Variants in TMEM52 observed in about 807,000 individuals in gnomAD.
The protein encoded by TMEM52 is transmembrane protein 52.
TMEM52 carries 14 observed loss-of-function variants against 16.2 expected under a neutral mutation model. The ratio of observed to expected loss-of-function variants is 0.87; its 90% CI spans 0.57 to 1.35. TMEM52 has a LOEUF of 1.35. TMEM52 is among the 40% of genes most tolerant of loss of function. The pLI, the probability that TMEM52 is intolerant of heterozygous loss-of-function variation, is 0.00. For synonymous variants in TMEM52, 136 were observed against 124.7 expected, an observed-to-expected ratio of 1.09 and a Z score of -0.60; for missense variants, 309 against 278.6, an observed-to-expected ratio of 1.11 and a Z score of -0.78.
chr1:1,919,234 A>G lies in TMEM52; in HGVS notation c.32T>C (p.Leu11Pro). 1.5e-6 allele frequency: 2 copies of G among 1,366,472 alleles called. No homozygotes were observed. Among genetic ancestry groups the G allele is most frequent in the East Asian group, 3.1e-5 (1 of 32,422 alleles). The allele number at this position is 1,366,472 out of a possible 1,614,324, so 84.6% of individuals were successfully genotyped here. Residue 11 changes from leucine to proline, a missense_variant, in exon 1 of 5, where the codon CTG becomes CCG. Physicochemically the swap from Leu to Pro is moderately conservative, Grantham distance 98. Coordinates refer to ENST00000310991, the MANE Select transcript of TMEM52 (RefSeq NM_178545.4). The part of the protein sequence containing the change: MARGPLAARG[L>P]RLLLPLLPLL... ...CGGCAGGAGCGGCAGCAGCAGCCGC[A>G]GTCCGCGGGCGGCCAGCGGCCCCCG...
Position 1,919,029 on chromosome 1 carries a change from C to T in TMEM52, c.128+16G>A. On this transcript the variant is annotated intron_variant, in intron 2 of 4. Transcript: ENST00000310991. ...TAGGGCGGGGCCAGGCCCCGGCTCCCTCCCCCCCGACTTACTGGTCCGAGG... is the reference window on the plus strand; with the variant it reads ...TAGGGCGGGGCCAGGCCCCGGCTCCTTCCCCCCCGACTTACTGGTCCGAGG... 7.5e-7 allele frequency: 1 copy of T among 1,337,690 alleles called. No individual in the cohort carries two copies. 82.9% of individuals were successfully genotyped at this position (1,337,690 alleles called of 1,614,324 possible).
At chr1:1,918,743 G>C in intron 3 of TMEM52, 150 bp downstream of exon 3, 1 of 919,114 alleles carries the variant, frequency 1.1e-6, no homozygotes, top group Non-Finnish European at 1.6e-6. Context: ...GGGAGGGAAG[G>C]TCCTGCTTGC....
Position 1,918,049 on chromosome 1 carries a change from G to T in TMEM52, c.463C>A (p.Pro155Thr), listed in dbSNP as rs748852806. 1.2e-6 allele frequency: 2 copies of T among 1,613,896 alleles called. No homozygotes were observed. Among genetic ancestry groups the T allele is most frequent in the South Asian group, 2.2e-5 (2 of 91,084 alleles). The change falls in exon 5 of 5, where the codon CCC (proline) becomes ACC (threonine). Residue 155 changes from proline (P) to threonine (T), a missense_variant. By Grantham distance (38) the Pro-to-Thr change is conservative. Transcript: ENST00000310991. ...ATCTTGACAGCTTCATCGTAGGAGG[G>T]TGGAGGCTCCGGGGTGTACAGGCTG... ...AYSLYTPEPP[P>T]SYDEAVKMAK...
At position 1,918,248 on chromosome 1, in the gene TMEM52, C is replaced by T; in HGVS notation, c.349+5G>A. ...CCCTCAACTGGCGGGCCCCTAGGCA[C>T]TCACAGGTCACAGTGCTGTGTACAG... On this transcript the variant is annotated splice_donor_5th_base_variant and intron_variant, in intron 4 of 4. Coordinates refer to ENST00000310991, the MANE Select transcript of TMEM52 (RefSeq NM_178545.4). 2 of 1,608,970 alleles carry T rather than the reference C, an allele frequency of 1.2e-6. No individual in the cohort carries two copies. Among genetic ancestry groups the T allele is most frequent in the Non-Finnish European group, 1.7e-6 (2 of 1,176,840 alleles).
rs755954078 is a variant in TMEM52 at position 1,917,712 on chromosome 1, G to A, written c.*170C>T. 3 of 786,306 alleles carry A rather than the reference G, an allele frequency of 3.8e-6. No homozygotes were observed. Among genetic ancestry groups the A allele is most frequent in the Non-Finnish European group, 4.0e-6 (2 of 494,440 alleles). The allele number at this position is 786,306 out of a possible 1,614,324, so 48.7% of individuals were successfully genotyped here. A position where few individuals can be genotyped will look rare whatever the true frequency, so the allele number is the denominator to read the frequency against. ...CCAGGCTGAGGGCCTGCTGGGGCTGGGCCAGGGGCTGAGGCTGAAAGCAGC... is the reference window on the plus strand; with the variant it reads ...CCAGGCTGAGGGCCTGCTGGGGCTGAGCCAGGGGCTGAGGCTGAAAGCAGC... On this transcript the variant is annotated 3_prime_UTR_variant, in exon 5 of 5. Coordinates refer to ENST00000310991, the MANE Select transcript of TMEM52 (RefSeq NM_178545.4).
intron 3 of TMEM52, 61 bp downstream of exon 3, chr1:1,918,832 G>A: frequency 1.3e-6 from 2 of 1,483,912 alleles, no homozygotes; most frequent in Non-Finnish European, 8.9e-7. Flanking sequence ...GGCGGGCCTG[G>A]CCCCGGTGAC....
At position 1,918,047 on chromosome 1, in the gene TMEM52, G is replaced by C; in HGVS notation, c.465C>G (p.Pro155=). The change falls in exon 5 of 5, where the codon CCC becomes CCG. Residue 155 remains proline (P), a synonymous_variant. Coordinates refer to ENST00000310991, the MANE Select transcript of TMEM52 (RefSeq NM_178545.4). Reference sequence around the variant, plus strand: ...CCATCTTGACAGCTTCATCGTAGGAGGGTGGAGGCTCCGGGGTGTACAGGC... The same window carrying C: ...CCATCTTGACAGCTTCATCGTAGGACGGTGGAGGCTCCGGGGTGTACAGGC... ...AYSLYTPEPP[P]SYDEAVKMAK... 6.2e-7 allele frequency: 1 copy of C among 1,613,914 alleles called. No homozygotes were observed. Among genetic ancestry groups the C allele is most frequent in the Middle Eastern group, 1.6e-4 (1 of 6,062 alleles).
Position 1,917,824 on chromosome 1 carries a change from TGGGGCCC to T in TMEM52, c.*51_*57del. 1 of 1,565,660 alleles carries T rather than the reference TGGGGCCC, an allele frequency of 6.4e-7. No individual in the cohort carries two copies. Among genetic ancestry groups the T allele is most frequent in the Non-Finnish European group, 8.7e-7 (1 of 1,149,762 alleles). ...CAATGTGTGGGACGGTGGGGTGGGC[TGGGGCCC>T]TTGGCTCCAAGCATTAGTTCTCCAA... On this transcript the variant is annotated 3_prime_UTR_variant, in exon 5 of 5. Coordinates refer to ENST00000310991, the MANE Select transcript of TMEM52 (RefSeq NM_178545.4).
rs752596964 is a variant in TMEM52 at position 1,919,241 on chromosome 1, G to A, written c.25C>T (p.Arg9Cys). MARGPLAA[R>C]GLRLLLPLLP... ...AGCGGCAGCAGCAGCCGCAGTCCGCGGGCGGCCAGCGGCCCCCGGGCCATG... is the reference window on the plus strand; with the variant it reads ...AGCGGCAGCAGCAGCCGCAGTCCGCAGGCGGCCAGCGGCCCCCGGGCCATG... The change falls in exon 1 of 5, where the codon CGC (arginine) becomes TGC (cysteine). Residue 9 changes from arginine to cysteine, a missense_variant. Transcript: ENST00000310991. 87 of 1,366,142 alleles carry A rather than the reference G, an allele frequency of 6.4e-5. No individual in the cohort carries two copies. The highest frequency in any genetic ancestry group is 7.8e-5 in the Non-Finnish European group (83 of 1,068,166). 84.6% of individuals were successfully genotyped at this position (1,366,142 alleles called of 1,614,324 possible).
At position 1,918,255 on chromosome 1, in the gene TMEM52, G is replaced by T; in HGVS notation, c.347C>A (p.Thr116Asn). The T allele has an allele frequency of 6.2e-7, 1 of 1,609,664 alleles. No individual in the cohort carries two copies. Among genetic ancestry groups the T allele is most frequent in the Non-Finnish European group, 8.5e-7 (1 of 1,177,364 alleles). The stretch of plus-strand genomic sequence containing the variant: ...CTGGCGGGCCCCTAGGCACTCACAG[G>T]TCACAGTGCTGTGTACAGGGCTGTC... ...DSDSPVHSTVTSYSSVQYPLG... is the reference protein window; with the variant it reads ...DSDSPVHSTVNSYSSVQYPLG... Residue 116 changes from threonine (T) to asparagine (N), a missense_variant and splice_region_variant, in exon 4 of 5, where the codon ACC becomes AAC. Physicochemically the swap from Thr to Asn is moderately conservative, Grantham distance 65. Coordinates refer to ENST00000310991, the MANE Select transcript of TMEM52 (RefSeq NM_178545.4).
Position 1,919,026 on chromosome 1 carries a change from T to C in TMEM52, c.128+19A>G. On this transcript the variant is annotated intron_variant, in intron 2 of 4. Coordinates refer to ENST00000310991, the MANE Select transcript of TMEM52 (RefSeq NM_178545.4). ...CCATAGGGCGGGGCCAGGCCCCGGC[T>C]CCCTCCCCCCCGACTTACTGGTCCG... 7.5e-7 allele frequency: 1 copy of C among 1,330,540 alleles called. No homozygotes were observed. Among genetic ancestry groups the C allele is most frequent in the Non-Finnish European group, 9.6e-7 (1 of 1,044,466 alleles). 82.4% of individuals were successfully genotyped at this position (1,330,540 alleles called of 1,614,324 possible).
rs750550228 is a variant in TMEM52 at position 1,919,200 on chromosome 1, C to T, written c.66G>A (p.Pro22=). The T allele has an allele frequency of 2.9e-6, 4 of 1,361,160 alleles. No individual in the cohort carries two copies. The East Asian group carries it at 1.2e-4, about 42-fold the overall frequency. 84.3% of individuals were successfully genotyped at this position (1,361,160 alleles called of 1,614,324 possible). Residue 22 remains proline, a synonymous_variant, in exon 1 of 5, where the codon CCG becomes CCA. Transcript: ENST00000310991. ...RLLLPLLPLL[P]LLPLPQVALG... is the part of the protein sequence containing the mutation. ...GACCCACCTGCGGCAGCGGCAGGAG[C>T]GGCAGGAGCGGCAGGAGCGGCAGCA...
intron 3 of TMEM52, 188 bp from the exon 4 acceptor site, chr1:1,918,619 C>T (rs1651234142): frequency 4.1e-6 from 3 of 734,948 alleles, no homozygotes; most frequent in South Asian, 1.6e-5. Flanking sequence ...GCTATCTCTC[C>T]TGGGCTGGCC....
rs966610332 is a variant in TMEM52 at position 1,919,035 on chromosome 1, C to A, written c.128+10G>T. On this transcript the variant is annotated intron_variant, in intron 2 of 4. Transcript: ENST00000310991. ...GGGGCCAGGCCCCGGCTCCCTCCCC[C>A]CCGACTTACTGGTCCGAGGGGTCGC... 3.7e-5 allele frequency: 49 copies of A among 1,338,742 alleles called. No individual in the cohort carries two copies. The highest frequency in any genetic ancestry group is 4.4e-5 in the Non-Finnish European group (46 of 1,049,374). The allele number at this position is 1,338,742 out of a possible 1,614,324, so 82.9% of individuals were successfully genotyped here.
chr1:1,917,868 T>C lies in TMEM52; in HGVS notation c.*14A>G. On this transcript the variant is annotated 3_prime_UTR_variant, in exon 5 of 5. Coordinates refer to ENST00000310991, the MANE Select transcript of TMEM52 (RefSeq NM_178545.4). ...CATTAGTTCTCCAAGCTCTGGTCCG[T>C]TCTCCTACCTCCTTCAAGGGGCACC... 1 of 1,610,110 alleles carries C rather than the reference T, an allele frequency of 6.2e-7. No homozygotes were observed. The highest frequency in any genetic ancestry group is 8.5e-7 in the Non-Finnish European group (1 of 1,177,558).
Position 1,917,634 on chromosome 1 carries a change from C to T in TMEM52, c.*248G>A, listed in dbSNP as rs1005060542. 15 of 585,078 alleles carry T rather than the reference C, an allele frequency of 2.6e-5. No individual in the cohort carries two copies. The highest frequency in any genetic ancestry group is 1.1e-4 in the African/African-American group (6 of 53,682). The allele number at this position is 585,078 out of a possible 1,614,324, so 36.2% of individuals were successfully genotyped here. A position where few individuals can be genotyped will look rare whatever the true frequency, so the allele number is the denominator to read the frequency against. On this transcript the variant is annotated 3_prime_UTR_variant, in exon 5 of 5. Transcript: ENST00000310991. ...TATTCTCTCTCCAAGAAGATGCAGACGTCACAGGTGGCCCTGAGCTCCCAC... is the reference window on the plus strand; with the variant it reads ...TATTCTCTCTCCAAGAAGATGCAGATGTCACAGGTGGCCCTGAGCTCCCAC...
At chr1:1,918,521 G>T in intron 3 of TMEM52, 90 bp from the exon 4 acceptor site, 1 of 1,118,160 alleles carries the variant, frequency 8.9e-7, no homozygotes, top group Non-Finnish European at 1.3e-6. Context: ...ACCGAAGACA[G>T]GTTAACAGGA....
Position 1,919,199 on chromosome 1 carries a change from GCGGC to G in TMEM52, c.63_66del (p.Pro22SerfsTer93). 7.3e-7 allele frequency: 1 copy of G among 1,360,822 alleles called. No homozygotes were observed. Among genetic ancestry groups the G allele is most frequent in the Non-Finnish European group, 9.4e-7 (1 of 1,063,534 alleles). The allele number at this position is 1,360,822 out of a possible 1,614,324, so 84.3% of individuals were successfully genotyped here. ...CGACCCACCTGCGGCAGCGGCAGGA[GCGGC>G]AGGAGCGGCAGGAGCGGCAGCAGCA... On this transcript the variant is annotated frameshift_variant, in exon 1 of 5. Transcript: ENST00000310991. LOFTEE classifies it high-confidence loss of function.
At chr1:1,918,797 A>G in intron 3 of TMEM52, 96 bp downstream of exon 3, 1 of 1,382,568 alleles carries the variant, frequency 7.2e-7, no homozygotes. Context: ...GCGACAGCGG[A>G]GGCGGCCTGG....
Sources: gnomAD v4.1 joint callset for allele counts on GRCh38, gnomAD v4.1.1 for gene constraint, MANE v1.5 for transcripts, NCBI Gene and HGNC (gene_info 2026-07-23, HGNC 2026-07-21) for gene names.